WDR27: variants seen among roughly 807,000 people sequenced by gnomAD.
WDR27 encodes the protein WD repeat domain 27, also known as WD repeat-containing protein 27.
Under a neutral mutation model 114.4 loss-of-function variants are expected in WDR27, and 100 were observed. The observed-to-expected ratio is 0.87, with a 90% CI of 0.74 to 1.03. The LOEUF is 1.03. WDR27 is among the 50% of genes least tolerant of loss of function. The probability of loss-of-function intolerance (pLI) is 0.00; values close to 1 mark genes in which losing one functional copy is unlikely to be tolerated. For synonymous variants in WDR27, 449 were observed against 423.1 expected (o/e 1.06, Z -0.75); for missense variants, 1,129 against 1,092.9 (o/e 1.03, Z -0.47).
intron 13 of WDR27, among the ~76,000 whole-genome samples, chr6:169,654,183 A>G (rs1208254156): frequency 6.6e-6 from 1 of 152,262 alleles, no homozygotes; most frequent in Non-Finnish European, 1.5e-5. Context: ...CAACAAAAAG[A>G]GTATACATCA....
At chr6:169,633,779 T>C (rs1304940626) in intron 20 of WDR27, among the ~76,000 whole-genome samples, 1 of 152,208 alleles carries the variant, frequency 6.6e-6, no homozygotes, top group Non-Finnish European at 1.5e-5. Context: ...ATAATCCTAA[T>C]GACATATTTC....
intron 23 of WDR27, among the ~76,000 whole-genome samples, chr6:169,586,900 C>T (rs918558968): frequency 1.3e-4 from 16 of 120,216 alleles, no homozygotes; most frequent in African/African-American, 5.0e-4. Flanking sequence ...ACTTCAGGGA[C>T]AAAGTATCAA....
intron 25 of WDR27, among the ~76,000 whole-genome samples, chr6:169,554,617 A>C (rs893179974): frequency 6.6e-6 from 1 of 152,150 alleles, no homozygotes; most frequent in Non-Finnish European, 1.5e-5. Context: ...CAAAGCAAAC[A>C]CTGTTCCCGT....
intron 22 of WDR27, among the ~76,000 whole-genome samples, chr6:169,612,506 C>G (rs78653523): frequency 0.096 from 14,487 of 150,448 alleles, 1,441 homozygotes; most frequent in African/African-American, 0.25. Context: ...CAGCTGCTCA[C>G]GAGGCTGAGG....
intron 23 of WDR27, among the ~76,000 whole-genome samples, chr6:169,593,518 A>G (rs1806176067): frequency 6.6e-6 from 1 of 152,236 alleles, no homozygotes; most frequent in African/African-American, 2.4e-5. Context: ...AAAAAATTGC[A>G]CTATTAAGTT....
intron 16 of WDR27, among the ~76,000 whole-genome samples, chr6:169,647,254 C>T (rs967523481): frequency 1.1e-4 from 17 of 152,216 alleles, no homozygotes; most frequent in African/African-American, 4.1e-4. Context: ...GGGCGACTGT[C>T]ACGGAAGCCG....
At position 169,503,531 on chromosome 6, in the gene WDR27, C is replaced by T. The variant is rs185241763; in HGVS notation, c.2646-45897G>A. ...ATTCTCTTTCTAGGCTTCCAAGAGC[C>T]GTCCCCAGACACTACAGCCTGTCAT... On this transcript the variant is annotated intron_variant, in intron 25 of 25. Transcript: ENST00000448612. Among the ~76,000 whole-genome samples, 8 of 152,282 alleles carry T rather than the reference C, an allele frequency of 5.3e-5. No individual in the cohort carries two copies. In the South Asian group the frequency reaches 1.2e-3, roughly 24 times the overall value.
intron 25 of WDR27, among the ~76,000 whole-genome samples, chr6:169,492,761 T>C (rs771968300): frequency 6.6e-6 from 1 of 152,040 alleles, no homozygotes; most frequent in Non-Finnish European, 1.5e-5. Flanking sequence ...GATAAAAATG[T>C]GCTAGTAACA....
intron 24 of WDR27, among the ~76,000 whole-genome samples, chr6:169,581,388 A>G (rs1803395763): frequency 6.6e-6 from 1 of 152,056 alleles, no homozygotes; most frequent in Non-Finnish European, 1.5e-5. Flanking sequence ...CCACCCCTCC[A>G]TCTCACTGCC....
At chr6:169,447,057 C>T in the WDR27 span, among the ~76,000 whole-genome samples, 13 of 152,126 alleles carry the variant, frequency 8.5e-5, no homozygotes, top group Non-Finnish European at 1.6e-4. Flanking sequence ...AAAAGATTTC[C>T]AATCTAATGG....
intron 23 of WDR27, among the ~76,000 whole-genome samples, chr6:169,595,256 G>A (rs1806552778): frequency 6.6e-6 from 1 of 152,142 alleles, no homozygotes; most frequent in Non-Finnish European, 1.5e-5. Flanking sequence ...TCTATTTAAT[G>A]TATGGCAGTT....
At chr6:169,593,750 G>A (rs938518147) in intron 23 of WDR27, among the ~76,000 whole-genome samples, 7 of 152,136 alleles carry the variant, frequency 4.6e-5, no homozygotes, top group Admixed American at 3.3e-4. Context: ...TCAGGAGGCT[G>A]AGGCAGGAGA....
At chr6:169,513,500 T>C (rs962797388) in intron 25 of WDR27, among the ~76,000 whole-genome samples, 1 of 152,070 alleles carries the variant, frequency 6.6e-6, no homozygotes, top group African/African-American at 2.4e-5. Flanking sequence ...ATTCAAAATT[T>C]TGGGGAGTTG....
chr6:169,642,436 A>G (rs1179113434), intron 17 of WDR27, among the ~76,000 whole-genome samples: 2 of 152,124 alleles, frequency 1.3e-5, no homozygotes, highest in East Asian at 3.9e-4. Flanking sequence ...CAACAGAACA[A>G]CCACTCATAT....
At chr6:169,441,617 T>C in the WDR27 span, among the ~76,000 whole-genome samples, 1 of 152,202 alleles carries the variant, frequency 6.6e-6, no homozygotes, top group African/African-American at 2.4e-5. Context: ...ACGCAGGAGA[T>C]GCTGAAACAA....
At chr6:169,472,318 G>C (rs564048584) in intron 25 of WDR27, among the ~76,000 whole-genome samples, 1 of 152,258 alleles carries the variant, frequency 6.6e-6, no homozygotes, top group Admixed American at 6.5e-5. Flanking sequence ...ATTAGAAGAA[G>C]CACAGAGAAG....
intron 25 of WDR27, among the ~76,000 whole-genome samples, chr6:169,531,624 G>A (rs1473375817): frequency 2.6e-5 from 4 of 151,782 alleles, no homozygotes; most frequent in Non-Finnish European, 5.9e-5. Context: ...CACAGGGCAG[G>A]TGAGGAGAAT....
intron 22 of WDR27, among the ~76,000 whole-genome samples, chr6:169,609,783 T>C (rs1326618010): frequency 1.3e-5 from 2 of 152,318 alleles, no homozygotes; most frequent in East Asian, 1.9e-4. Context: ...CCTCAGAAAA[T>C]GGGATTTTTC....
In WDR27 at chr6:169,659,284, C is replaced by T; in HGVS notation, c.1198-77G>A. 1 of 1,558,142 alleles carries T rather than the reference C, an allele frequency of 6.4e-7. No individual in the cohort carries two copies. Among genetic ancestry groups the T allele is most frequent in the East Asian group, 2.3e-5 (1 of 44,314 alleles). On this transcript the variant is annotated intron_variant, in intron 11 of 25. Transcript: ENST00000448612. This position sits in a 1 kb window ranked among gnomAD's most constrained non-coding sequence, Gnocchi z 4.3. ...ACGAAACGTGCATCCGCACACGTAT[C>T]CTAACAGCTGCTTCATTCTCATAGC...
Sources: gnomAD v4.1 joint callset for allele counts (sites outside exome capture counted in the v4.1 genomes callset) on GRCh38, gnomAD v4.1.1 for gene constraint, Gnocchi (gnomAD v3.1) non-coding constraint, MANE v1.5 for transcripts, NCBI Gene and HGNC (gene_info 2026-07-23, HGNC 2026-07-21) for gene names.